LDAH: variants seen among roughly 807,000 people sequenced by gnomAD.
LDAH encodes lipid droplet-associated hydrolase.
In LDAH, 26 loss-of-function variants were observed where a neutral mutation model predicts 29.6. That is an observed-to-expected ratio of 0.88 (90% confidence interval 0.64 to 1.22). LDAH has a LOEUF of 1.22. Ranked by LOEUF, LDAH falls within the 50% of genes most tolerant of loss-of-function variation. The pLI, the probability that LDAH is intolerant of heterozygous loss-of-function variation, is 0.00. For synonymous variants in LDAH, 117 were observed against 133.0 expected (o/e 0.88, Z 0.83); for missense variants, 344 against 387.3 (o/e 0.89, Z 0.94).
intron 4 of LDAH, among the ~76,000 whole-genome samples, chr2:20,746,191 C>T (rs762403322): frequency 6.6e-6 from 1 of 152,116 alleles, no homozygotes; most frequent in South Asian, 2.1e-4. Context: ...CACACAGATT[C>T]CAGACTGGTT....
At chr2:20,731,331 G>A (rs113842782) in intron 5 of LDAH, among the ~76,000 whole-genome samples, 3,796 of 152,248 alleles carry the variant, frequency 0.025, 168 homozygotes, top group African/African-American at 0.086. Context: ...GTTGTTTAAA[G>A]TGTGTGGCAC....
At chr2:20,775,053 A>G (rs1344540426) in intron 3 of LDAH, 74 bp from the exon 4 acceptor site, 2 of 1,333,612 alleles carry the variant, frequency 1.5e-6, no homozygotes, top group African/African-American at 1.5e-5. Context: ...AAAAGATAAC[A>G]ATCATGATAA....
In LDAH at chr2:20,738,035, C is replaced by T. The variant is rs188292645; in HGVS notation, c.703+1936G>A. Among the ~76,000 whole-genome samples, 764 of 151,778 alleles carry T rather than the reference C, an allele frequency of 5.0e-3. 20 individuals carry two copies. The highest frequency in any genetic ancestry group is 0.046 in the Admixed American group (700 of 15,234). On this transcript the variant is annotated intron_variant, in intron 5 of 6. Transcript: ENST00000237822. ...TTGGGAGGCTGAGGCGGGCGGATCA[C>T]GAGGTCAGGAGTTTGAGACCAGCCT... is the stretch of plus-strand genomic sequence containing the variant.
At chr2:20,706,968 C>T (rs1461443006) in intron 5 of LDAH, among the ~76,000 whole-genome samples, 1 of 152,172 alleles carries the variant, frequency 6.6e-6, no homozygotes, top group Non-Finnish European at 1.5e-5. Context: ...TCTTGGAGGC[C>T]TTGCTTGTCG....
intron 5 of LDAH, among the ~76,000 whole-genome samples, chr2:20,735,505 CAT>C (rs1300447368): frequency 6.6e-6 from 1 of 151,960 alleles, no homozygotes; most frequent in Non-Finnish European, 1.5e-5. Flanking sequence ...TAGTTTCAAA[CAT>C]GTTTATTAAT....
intron 4 of LDAH, among the ~76,000 whole-genome samples, chr2:20,764,083 TAC>T (rs1044646899): frequency 1.3e-4 from 20 of 152,088 alleles, no homozygotes; most frequent in African/African-American, 4.6e-4. Flanking sequence ...TTTAAAAAAA[TAC>T]ACAGATAACT....
chr2:20,714,579 C>A (rs2149383209), intron 5 of LDAH, among the ~76,000 whole-genome samples: 1 of 152,196 alleles, frequency 6.6e-6, no homozygotes, highest in Non-Finnish European at 1.5e-5. Context: ...TTCAAAAAAT[C>A]AATGAATCCA....
intron 4 of LDAH, among the ~76,000 whole-genome samples, chr2:20,760,100 A>G (rs944591885): frequency 1.2e-4 from 19 of 152,318 alleles, no homozygotes; most frequent in African/African-American, 4.3e-4. Flanking sequence ...AACCCAAATT[A>G]TCTTTTTTTT....
At chr2:20,765,096 G>A (rs975222777) in intron 4 of LDAH, among the ~76,000 whole-genome samples, 2 of 152,080 alleles carry the variant, frequency 1.3e-5, no homozygotes, top group African/African-American at 2.4e-5. Context: ...CTTTTGCAAA[G>A]ACATAAATAT....
intron 3 of LDAH, among the ~76,000 whole-genome samples, chr2:20,776,320 G>A (rs943495007): frequency 6.6e-6 from 1 of 152,078 alleles, no homozygotes; most frequent in Non-Finnish European, 1.5e-5. Flanking sequence ...TCCTCTGAGA[G>A]ACCTTTTTAT....
At chr2:20,716,233 AC>A (rs1388070296) in intron 5 of LDAH, among the ~76,000 whole-genome samples, 1 of 152,136 alleles carries the variant, frequency 6.6e-6, no homozygotes, top group Non-Finnish European at 1.5e-5. Flanking sequence ...CTGGGTAGAT[AC>A]CCAAAGGATT....
intron 4 of LDAH, among the ~76,000 whole-genome samples, chr2:20,755,565 C>G (rs58433629): frequency 6.6e-6 from 1 of 152,162 alleles, no homozygotes; most frequent in Non-Finnish European, 1.5e-5. Flanking sequence ...ACAGAGCAGA[C>G]TTGATGAATG....
chr2:20,686,816 G>T lies in LDAH; in HGVS notation c.*87C>A. The T allele has an allele frequency of 8.4e-7, 1 of 1,195,592 alleles. No individual in the cohort carries two copies. Among genetic ancestry groups the T allele is most frequent in the Non-Finnish European group, 1.2e-6 (1 of 847,898 alleles). The allele number at this position is 1,195,592 out of a possible 1,614,324, so 74.1% of individuals were successfully genotyped here. The stretch of plus-strand genomic sequence containing the variant: ...CTCACTTTCTTCATTTCTAATATCA[G>T]TCTTCAAAATTAAACATTTACCTAC... On this transcript the variant is annotated 3_prime_UTR_variant, in exon 7 of 7. Coordinates refer to ENST00000237822, the MANE Select transcript of LDAH (RefSeq NM_021925.4).
In LDAH at chr2:20,731,103, C is replaced by G. The variant is rs897142462; in HGVS notation, c.703+8868G>C. On this transcript the variant is annotated intron_variant, in intron 5 of 6. Transcript: ENST00000237822. ...AAAAATCTTGCTCGGATTTTGATAG[C>G]AACTATGTTTAATATGCATATCAAT... is the stretch of plus-strand genomic sequence containing the variant. Among the ~76,000 whole-genome samples, 3 of 152,168 alleles carry G rather than the reference C, an allele frequency of 2.0e-5. No individual in the cohort carries two copies. The East Asian group carries it at 5.8e-4, about 29-fold the overall frequency.
At position 20,719,944 on chromosome 2, in the gene LDAH, A is replaced by G. The variant is rs181720017; in HGVS notation, c.704-18292T>C. 4.6e-5 allele frequency among the ~76,000 whole-genome samples: 7 copies of G among 152,246 alleles called. No individual in the cohort carries two copies. The East Asian group carries it at 1.4e-3, about 29-fold the overall frequency. ...CCCTCCATAATAAAAACTCTCAACA[A>G]ACGGGGTATAGAAAAAACATACCTC... On this transcript the variant is annotated intron_variant, in intron 5 of 6. Coordinates refer to ENST00000237822, the MANE Select transcript of LDAH (RefSeq NM_021925.4).
chr2:20,790,321 A>G lies in LDAH; in HGVS notation c.232T>C (p.Trp78Arg), dbSNP rs376419679. 7 of 1,614,084 alleles carry G rather than the reference A, an allele frequency of 4.3e-6. No individual in the cohort carries two copies. In the African/African-American group the frequency reaches 8.0e-5, roughly 18 times the overall value. The change falls in exon 3 of 7, where the codon TGG (tryptophan) becomes CGG (arginine). Residue 78 changes from tryptophan (W) to arginine (R), a missense_variant. Physicochemically the swap from Trp to Arg is moderately radical, Grantham distance 101 (BLOSUM62 -3). Transcript: ENST00000237822. ...YSLTNRRFPV[W>R]TISHAGHALA... is the part of the protein sequence containing the mutation. ...GCATGCCCAGCATGACTGATAGTCC[A>G]AACTGGAAAGCGTCTGTTTGTCAAA... is the stretch of plus-strand genomic sequence containing the variant.
intron 3 of LDAH, among the ~76,000 whole-genome samples, chr2:20,777,592 T>C (rs1669911231): frequency 6.6e-6 from 1 of 151,952 alleles, no homozygotes; most frequent in Non-Finnish European, 1.5e-5. Context: ...TGAATTTTTG[T>C]AGAGATGAGG....
intron 6 of LDAH, among the ~76,000 whole-genome samples, chr2:20,690,764 A>G (rs1170944513): frequency 6.6e-6 from 1 of 152,184 alleles, no homozygotes; most frequent in African/African-American, 2.4e-5. Flanking sequence ...AGTGGTTAAC[A>G]GTGCATACTC....
At position 20,821,265 on chromosome 2, in the gene LDAH, G is replaced by C. The variant is rs1673265727; in HGVS notation, c.-3+1772C>G. Among the ~76,000 whole-genome samples, 3 of 151,890 alleles carry C rather than the reference G, an allele frequency of 2.0e-5. 1 individual carries two copies. The South Asian group carries it at 6.3e-4, about 32-fold the overall frequency. The stretch of plus-strand genomic sequence containing the variant: ...ATTTGACCCAGCCATCCCATTACTG[G>C]GTATATACCCAAAGGAATATAAATC... On this transcript the variant is annotated intron_variant, in intron 1 of 6. Transcript: ENST00000237822.
Sources: allele counts gnomAD v4.1 joint callset (sites outside exome capture counted in the v4.1 genomes callset), GRCh38; gene constraint gnomAD v4.1.1; transcripts MANE v1.5; gene names NCBI Gene and HGNC (gene_info 2026-07-23, HGNC 2026-07-21).